NINJ2: variants seen among roughly 807,000 people sequenced by gnomAD.
NINJ2 encodes ninjurin-2.
In NINJ2, 12 loss-of-function variants were observed where a neutral mutation model predicts 11.7. The ratio of observed to expected loss-of-function variants is 1.02; its 90% CI spans 0.66 to 1.66. The LOEUF is 1.66. NINJ2 is among the 40% of genes most tolerant of loss of function. The pLI is 0.00. For missense variants in NINJ2, 187 were observed against 181.8 expected, an observed-to-expected ratio of 1.03 and a Z score of -0.16; for synonymous variants, 93 against 76.8, an observed-to-expected ratio of 1.21 and a Z score of -1.10.
chr12:592,427 G>A (rs1295116255), intron 1 of NINJ2, among the ~76,000 whole-genome samples: 18 of 152,324 alleles, frequency 1.2e-4, no homozygotes, highest in African/African-American at 3.4e-4. Flanking sequence ...CTGGCCAGGA[G>A]CGGTGGCTCA....
chr12:572,527 G>GC (rs1470340928), intron 1 of NINJ2, among the ~76,000 whole-genome samples: 1 of 152,244 alleles, frequency 6.6e-6, no homozygotes, highest in African/African-American at 2.4e-5. Context: ...GCTTAGGTGA[G>GC]CTTTTAATTC....
chr12:575,692 A>T (rs188591062), intron 1 of NINJ2, among the ~76,000 whole-genome samples: 1 of 152,152 alleles, frequency 6.6e-6, no homozygotes, highest in African/African-American at 2.4e-5. Flanking sequence ...CCTTGCCCAC[A>T]TGAGGTACAC....
At chr12:584,683 G>A (rs1947607867) in intron 1 of NINJ2, among the ~76,000 whole-genome samples, 2 of 152,128 alleles carry the variant, frequency 1.3e-5, no homozygotes, top group South Asian at 4.2e-4. Context: ...GCGGGTGCCT[G>A]TAATCCCAGC....
chr12:591,724 T>C lies in NINJ2; in HGVS notation c.34-25546A>G, dbSNP rs1947718177. Among the ~76,000 whole-genome samples the C allele has an allele frequency of 6.6e-6, 1 of 152,108 alleles. No homozygotes were observed. Among genetic ancestry groups the C allele is most frequent in the African/African-American group, 2.4e-5 (1 of 41,406 alleles). ...CCCCAGGTCCCTTGGGCACGTCTTA[T>C]CTTATCGTGCAGCTGGGCTGGGGGT... On this transcript the variant is annotated intron_variant, in intron 1 of 3. Transcript: ENST00000305108. This position sits in a 1 kb window ranked among gnomAD's most constrained non-coding sequence, Gnocchi z 5.0.
intron 1 of NINJ2, among the ~76,000 whole-genome samples, chr12:625,284 C>T (rs1948200454): frequency 6.6e-6 from 1 of 152,036 alleles, no homozygotes; most frequent in African/African-American, 2.4e-5. Flanking sequence ...TTGGAAGCAG[C>T]AGGTGGACCT....
At chr12:659,488 ACT>A (rs1937927833) in intron 1 of NINJ2, among the ~76,000 whole-genome samples, 1 of 152,088 alleles carries the variant, frequency 6.6e-6, no homozygotes, top group African/African-American at 2.4e-5. Context: ...ACACATCCAG[ACT>A]CTGGGAGATG....
At chr12:629,896 A>AAAAAAAAAAAAATATATATATAT in intron 1 of NINJ2, among the ~76,000 whole-genome samples, 1 of 9,902 alleles carries the variant, frequency 1.0e-4, no homozygotes, top group African/African-American at 1.5e-4. Flanking sequence ...AAAAAAAAAA[A>AAAAAAAAAAAAATATATATATAT]ATATATATAT....
intron 1 of NINJ2, among the ~76,000 whole-genome samples, chr12:636,102 C>T (rs553204544): frequency 6.6e-6 from 1 of 151,736 alleles, no homozygotes; most frequent in Non-Finnish European, 1.5e-5. Context: ...ATAGGCCAGG[C>T]GTGGTGGCTT....
In NINJ2 at chr12:581,865, G is replaced by A. The variant is rs1168128606; in HGVS notation, c.34-15687C>T. 2.0e-5 allele frequency among the ~76,000 whole-genome samples: 3 copies of A among 152,146 alleles called. No homozygotes were observed. Among genetic ancestry groups the A allele is most frequent in the African/African-American group, 4.8e-5 (2 of 41,416 alleles). ...TCAGCAAAAGTCAATGTAAGTCCCA[G>A]GCGATGTCTAACTCAGCCCCAAGGT... On this transcript the variant is annotated intron_variant, in intron 1 of 3. Coordinates refer to ENST00000305108, the MANE Select transcript of NINJ2 (RefSeq NM_016533.6). This position sits in a 1 kb window ranked among gnomAD's most constrained non-coding sequence, Gnocchi z 4.9.
intron 1 of NINJ2, among the ~76,000 whole-genome samples, chr12:574,705 C>T (rs941629969): frequency 1.3e-5 from 2 of 152,242 alleles, no homozygotes; most frequent in Non-Finnish European, 2.9e-5. Context: ...GCCAAATACA[C>T]TTCTATTGTT....
intron 1 of NINJ2, among the ~76,000 whole-genome samples, chr12:609,789 A>AAAAAAAAAAAAATGG (rs71439346): frequency 8.6e-6 from 1 of 116,628 alleles, no homozygotes; most frequent in Non-Finnish European, 1.8e-5. Context: ...AAAAAAAAAT[A>AAAAAAAAAAAAATGG]GGGAAAACAA....
intron 1 of NINJ2, among the ~76,000 whole-genome samples, chr12:620,734 A>G (rs1948144347): frequency 6.6e-6 from 1 of 152,120 alleles, no homozygotes; most frequent in Non-Finnish European, 1.5e-5. Context: ...GGTTGGAGTA[A>G]TTCTCCTGCC....
chr12:576,622 G>C (rs1484775632), intron 1 of NINJ2, among the ~76,000 whole-genome samples: 2 of 152,184 alleles, frequency 1.3e-5, no homozygotes, highest in African/African-American at 4.8e-5. Flanking sequence ...GTCTCCCAAA[G>C]TGCCGGGGCT....
At chr12:629,896 A>AAAAAAAAAATAT in intron 1 of NINJ2, among the ~76,000 whole-genome samples, 3 of 9,898 alleles carry the variant, frequency 3.0e-4, no homozygotes, top group African/African-American at 4.4e-4. Flanking sequence ...AAAAAAAAAA[A>AAAAAAAAAATAT]ATATATATAT....
chr12:607,889 G>T (rs1947960798), intron 1 of NINJ2, among the ~76,000 whole-genome samples: 3 of 152,196 alleles, frequency 2.0e-5, no homozygotes. Flanking sequence ...CAGGAGCAAA[G>T]TTGCCTGTCA....
rs1283798850 is a variant in NINJ2, at chr12:614,216, G to T, written c.34-48038C>A. Among the ~76,000 whole-genome samples the T allele has an allele frequency of 1.3e-5, 2 of 152,190 alleles. No individual in the cohort carries two copies. The highest frequency in any genetic ancestry group is 4.8e-5 in the African/African-American group (2 of 41,442). On this transcript the variant is annotated intron_variant, in intron 1 of 3. Transcript: ENST00000305108. The surrounding 1 kb of genome is among the most constrained non-coding windows in gnomAD (Gnocchi z 5.1). ...TTTCCAGCCTTCTCCACAGGCACCT[G>T]CTCAGCTTGGTTTGGGTCCATGGGT...
chr12:575,088 C>G (rs557305007), intron 1 of NINJ2, among the ~76,000 whole-genome samples: 1 of 152,334 alleles, frequency 6.6e-6, no homozygotes, highest in East Asian at 1.9e-4. Flanking sequence ...GAAGTAGGCA[C>G]CATTTATGGT....
intron 1 of NINJ2, among the ~76,000 whole-genome samples, chr12:569,761 A>T (rs568278467): frequency 6.6e-6 from 1 of 152,308 alleles, no homozygotes; most frequent in East Asian, 1.9e-4. Context: ...TTTTGTTGTT[A>T]CATTAATCTG....
intron 1 of NINJ2, among the ~76,000 whole-genome samples, chr12:570,887 T>C (rs1947366647): frequency 1.3e-5 from 2 of 152,166 alleles, no homozygotes; most frequent in African/African-American, 2.4e-5. Flanking sequence ...AGTTTCCACA[T>C]CTATAAAACT....
Sources: allele counts gnomAD v4.1 joint callset (sites outside exome capture counted in the v4.1 genomes callset), GRCh38; gene constraint gnomAD v4.1.1; non-coding constraint Gnocchi (gnomAD v3.1); transcripts MANE v1.5; gene names NCBI Gene and HGNC (gene_info 2026-07-23, HGNC 2026-07-21).